Variants in CLCN5 observed in about 807,000 individuals in gnomAD.
CLCN5 encodes H(+)/Cl(-) exchange transporter 5.
CLCN5 carries 17 observed loss-of-function variants against 54.0 expected under a neutral mutation model. The observed-to-expected ratio is 0.31, with a 90% CI of 0.22 to 0.47. CLCN5 has a LOEUF of 0.47. Ranked by LOEUF, CLCN5 falls within the 20% of genes least tolerant of loss-of-function variation. The probability of loss-of-function intolerance (pLI) is 1.00; values close to 1 mark genes in which losing one functional copy is unlikely to be tolerated. For missense variants in CLCN5, 448 were observed against 646.7 expected (o/e 0.69, Z 3.33); for synonymous variants, 222 against 233.0 (o/e 0.95, Z 0.43).
chrX:49,935,226 C>G (rs1162790258), intron 3 of CLCN5, among the ~76,000 whole-genome samples: 2 of 112,024 alleles, frequency 1.8e-5, no homozygotes, highest in African/African-American at 6.5e-5. Context: ...CTGCAGTCCA[C>G]CCCTGCTGGC....
In CLCN5 at chrX:50,087,351, A is replaced by AC. The variant is rs1557194147; in HGVS notation, c.1557+481_1557+482insC. 3.9e-3 allele frequency among the ~76,000 whole-genome samples: 436 copies of AC among 111,445 alleles called. 2 individuals are homozygous for AC. Among genetic ancestry groups the AC allele is most frequent in the Non-Finnish European group, 7.0e-3 (373 of 53,067 alleles). Reference sequence around the variant, plus strand: ...AATTTCCTGTGGTTCAACCCAATATATAGCTAAATATAGTTTTTTACAGTG... The same window carrying AC: ...AATTTCCTGTGGTTCAACCCAATATACTAGCTAAATATAGTTTTTTACAGTG... On this transcript the variant is annotated intron_variant, in intron 11 of 14. Transcript: ENST00000376091.
intron 3 of CLCN5, among the ~76,000 whole-genome samples, chrX:49,927,818 T>G (rs182154097): frequency 3.0e-4 from 34 of 112,583 alleles, no homozygotes; most frequent in Admixed American, 2.9e-3. Context: ...CAAAATATTA[T>G]TCAGCCATAA....
intron 3 of CLCN5, among the ~76,000 whole-genome samples, chrX:49,945,744 G>A (rs1282403286): frequency 5.9e-5 from 6 of 100,854 alleles, no homozygotes; most frequent in Non-Finnish European, 1.0e-4. Flanking sequence ...ATGAGCCACC[G>A]TGCCCGGCCG....
intron 4 of CLCN5, among the ~76,000 whole-genome samples, chrX:50,057,686 T>C (rs1485550082): frequency 3.0e-5 from 3 of 99,700 alleles, no homozygotes; most frequent in Non-Finnish European, 6.2e-5. Context: ...TATCCAGGAC[T>C]CTCCTGGATA....
intron 3 of CLCN5, among the ~76,000 whole-genome samples, chrX:50,030,330 A>G (rs781824055): frequency 1.8e-5 from 2 of 111,698 alleles, no homozygotes; most frequent in Admixed American, 9.5e-5. Context: ...TGTCTCCATC[A>G]TATATGAATT....
At chrX:49,985,189 G>A (rs191578062) in intron 3 of CLCN5, among the ~76,000 whole-genome samples, 24 of 111,143 alleles carry the variant, frequency 2.2e-4, no homozygotes, top group Admixed American at 2.1e-3. Flanking sequence ...TAATACAGGC[G>A]TGTAGAGCTA....
Position 50,097,409 on chromosome X carries a change from C to T in CLCN5, c.*5190C>T, listed in dbSNP as rs1463401384. 8.9e-6 allele frequency: 1 copy of T among 112,012 alleles called. No individual in the cohort carries two copies. The highest frequency in any genetic ancestry group is 1.9e-5 in the Non-Finnish European group (1 of 53,187). The allele number at this position is 112,012 out of a possible 1,213,427, so 9.2% of individuals were successfully genotyped here. On this transcript the variant is annotated 3_prime_UTR_variant, in exon 15 of 15. Coordinates refer to ENST00000376091, the MANE Select transcript of CLCN5 (RefSeq NM_001127898.4). ...GGATGGGACCTATCGGGTCACCCAG[C>T]CCAGTCTTACAGTCATAAATTCCTA...
intron 3 of CLCN5, chrX:50,003,290 G>A (rs1557180867): frequency 2.8e-6 from 1 of 360,995 alleles, no homozygotes; most frequent in Non-Finnish European, 5.5e-6. Flanking sequence ...GTACACCAAA[G>A]GGAGGTAGAC....
chrX:49,937,132 A>G, intron 3 of CLCN5, among the ~76,000 whole-genome samples: 1 of 111,379 alleles, frequency 9.0e-6, no homozygotes, highest in South Asian at 3.8e-4. Flanking sequence ...TAAATTTTTA[A>G]GTGAAAAAAG....
chrX:50,065,933 A>G (rs1932994218), intron 4 of CLCN5, among the ~76,000 whole-genome samples: 1 of 96,057 alleles, frequency 1.0e-5, no homozygotes, highest in South Asian at 5.5e-4. Flanking sequence ...AACACCGCAT[A>G]TTCTCACTCA....
chrX:49,976,471 G>T (rs184372616), intron 3 of CLCN5, among the ~76,000 whole-genome samples: 1 of 112,163 alleles, frequency 8.9e-6, no homozygotes, highest in Non-Finnish European at 1.9e-5. Context: ...AAAGATGGGG[G>T]AGACTGCCAC....
At position 50,080,626 on chromosome X, in the gene CLCN5, G is replaced by A. The variant is rs34800648; in HGVS notation, c.636G>A (p.Met212Ile). The A allele has an allele frequency of 1.3e-3, 1,541 of 1,204,579 alleles. 7 individuals are homozygous for A. The African/African-American group carries it at 0.025, about 19-fold the overall frequency. Residue 212 changes from methionine to isoleucine, a missense_variant, in exon 8 of 15, where the codon ATG becomes ATA. By Grantham distance (10) the Met-to-Ile change is conservative (BLOSUM62 1). Transcript: ENST00000376091. ...TTGCCTACATAGTCAATTATTTCAT[G>A]TACGTCCTCTGGGCTCTCCTATTTG... ...GAFAYIVNYF[M>I]YVLWALLFAF...
intron 4 of CLCN5, chrX:50,050,202 A>T (rs782599546): frequency 8.9e-6 from 1 of 112,077 alleles, no homozygotes; most frequent in Non-Finnish European, 1.9e-5. Context: ...TTTCAAATCA[A>T]GTAAGTAAGT....
At chrX:49,957,421 C>A (rs1192516544) in intron 3 of CLCN5, among the ~76,000 whole-genome samples, 2 of 112,335 alleles carry the variant, frequency 1.8e-5, no homozygotes, top group African/African-American at 3.2e-5. Context: ...ACTGTTTTAA[C>A]CATTTTAAAA....
intron 3 of CLCN5, among the ~76,000 whole-genome samples, chrX:49,933,162 C>T (rs1791470351): frequency 9.0e-6 from 1 of 111,339 alleles, no homozygotes; most frequent in South Asian, 3.8e-4. Flanking sequence ...CACCCCCAGC[C>T]CCTTTTCCTC....
At position 50,083,192 on chromosome X, in the gene CLCN5, C is replaced by CAA. The variant is rs35408376; in HGVS notation, c.933+1360_933+1361dup. ...GAACCTAATGATTTCTTATGAAAACCAAAAAAAAAAAAAAAATTAACCACA... is the reference window on the plus strand; with the variant it reads ...GAACCTAATGATTTCTTATGAAAACCAAAAAAAAAAAAAAAAAATTAACCACA... On this transcript the variant is annotated intron_variant, in intron 9 of 14. Transcript: ENST00000376091. Among the ~76,000 whole-genome samples, 341 of 71,149 alleles carry CAA rather than the reference C, an allele frequency of 4.8e-3. 2 individuals are homozygous for CAA. The highest frequency in any genetic ancestry group is 0.014 in the African/African-American group (318 of 22,411). The allele number at this position is 71,149 out of a possible 115,157, so 61.8% of individuals were successfully genotyped here.
intron 3 of CLCN5, among the ~76,000 whole-genome samples, chrX:50,017,923 G>C (rs1398522029): frequency 9.0e-6 from 1 of 111,451 alleles, no homozygotes; most frequent in Non-Finnish European, 1.9e-5. Flanking sequence ...TTCCAGGTTT[G>C]TTCTTCTCTT....
intron 3 of CLCN5, among the ~76,000 whole-genome samples, chrX:50,019,483 T>C (rs1930973857): frequency 1.1e-5 from 1 of 94,127 alleles, no homozygotes; most frequent in Admixed American, 1.1e-4. Context: ...TTTTTTTTTT[T>C]TTTTTTATTA....
chrX:50,007,266 A>ATGTG (rs1238536768), intron 3 of CLCN5, among the ~76,000 whole-genome samples: 3 of 112,116 alleles, frequency 2.7e-5, no homozygotes, highest in African/African-American at 9.7e-5. Flanking sequence ...GGAGGCCCAC[A>ATGTG]TGTGGCTGGG....
Sources: gnomAD v4.1 joint callset for allele counts (sites outside exome capture counted in the v4.1 genomes callset) on GRCh38, gnomAD v4.1.1 for gene constraint, MANE v1.5 for transcripts, NCBI Gene and HGNC (gene_info 2026-07-23, HGNC 2026-07-21) for gene names.